Variants in HS6ST2 observed in about 807,000 individuals in gnomAD.
HS6ST2 encodes the protein heparan sulfate 6-O-sulfotransferase 2, also known as heparan-sulfate 6-O-sulfotransferase 2.
Under a neutral mutation model 33.0 loss-of-function variants are expected in HS6ST2, and 17 were observed. The observed-to-expected ratio is 0.52, with a 90% confidence interval of 0.35 to 0.77. The LOEUF is 0.77. Ranked by LOEUF, HS6ST2 falls within the 30% of genes least tolerant of loss-of-function variation. The probability of loss-of-function intolerance (pLI) is 0.01; values close to 1 mark genes in which losing one functional copy is unlikely to be tolerated. For synonymous variants in HS6ST2, 248 were observed against 237.1 expected (o/e 1.05, Z -0.42); for missense variants, 519 against 551.7 (o/e 0.94, Z 0.59).
chrX:132,849,742 C>T (rs1028423191), intron 2 of HS6ST2, among the ~76,000 whole-genome samples: 1 of 111,905 alleles, frequency 8.9e-6, no homozygotes, highest in Admixed American at 9.5e-5. Flanking sequence ...ATCAAATGAC[C>T]TTTGTACACA....
At chrX:132,728,363 A>T (rs2064417632) in intron 2 of HS6ST2, among the ~76,000 whole-genome samples, 1 of 112,240 alleles carries the variant, frequency 8.9e-6, no homozygotes, top group Non-Finnish European at 1.9e-5. Context: ...GATTGACCCT[A>T]ACGGTGGGCT....
chrX:132,684,252 C>T (rs1475870110), intron 3 of HS6ST2, among the ~76,000 whole-genome samples: 2 of 102,188 alleles, frequency 2.0e-5, no homozygotes, highest in African/African-American at 7.1e-5. Context: ...TACACACACA[C>T]ATATATATGT....
chrX:132,702,489 T>G (rs1459565728), intron 3 of HS6ST2, among the ~76,000 whole-genome samples: 4 of 112,012 alleles, frequency 3.6e-5, no homozygotes, highest in Non-Finnish European at 7.5e-5. Flanking sequence ...CTACATTAGT[T>G]TACTCTTCAG....
At chrX:132,923,062 CAAA>C (rs34136355) in intron 2 of HS6ST2, among the ~76,000 whole-genome samples, 3 of 47,611 alleles carry the variant, frequency 6.3e-5, no homozygotes, top group African/African-American at 8.2e-5. Flanking sequence ...GACTCTGTCT[CAAA>C]AAAAAAAAAA....
chrX:132,864,433 G>C (rs1236493227), intron 2 of HS6ST2, among the ~76,000 whole-genome samples: 1 of 107,523 alleles, frequency 9.3e-6, no homozygotes, highest in African/African-American at 3.4e-5. Flanking sequence ...TGAAAACACA[G>C]CATGAGAACT....
chrX:132,701,930 A>T (rs2064146838), intron 3 of HS6ST2, among the ~76,000 whole-genome samples: 1 of 112,468 alleles, frequency 8.9e-6, no homozygotes, highest in Admixed American at 9.4e-5. Context: ...AGATATTCAC[A>T]TTTAAGAAAC....
At chrX:132,640,611 T>A (rs2063595660) in intron 4 of HS6ST2, among the ~76,000 whole-genome samples, 1 of 111,556 alleles carries the variant, frequency 9.0e-6, no homozygotes, top group South Asian at 3.8e-4. Context: ...ATCAGCAACA[T>A]GTGACTACTG....
intron 2 of HS6ST2, among the ~76,000 whole-genome samples, chrX:132,885,399 T>C (rs1372477994): frequency 9.0e-6 from 1 of 111,162 alleles, no homozygotes; most frequent in East Asian, 2.8e-4. Context: ...GTAAATTATA[T>C]CTCAATAAAA....
At chrX:132,918,469 AT>A (rs2066617569) in intron 2 of HS6ST2, among the ~76,000 whole-genome samples, 1 of 112,197 alleles carries the variant, frequency 8.9e-6, no homozygotes, top group Non-Finnish European at 1.9e-5. Flanking sequence ...ACAGCTATAG[AT>A]GGACAAAAAG....
rs190960276 is a variant in HS6ST2, at chrX:132,760,909, T to G, written c.948-52415A>C. On this transcript the variant is annotated intron_variant, in intron 2 of 4. Transcript: ENST00000370833. ...AAAAACAAAAACATATGTAAGCAAC[T>G]GAAATAAGGCTCAATAAAACCTTGA... 4.5e-5 allele frequency among the ~76,000 whole-genome samples: 5 copies of G among 111,463 alleles called. No homozygotes were observed. The East Asian group carries it at 1.4e-3, about 32-fold the overall frequency.
chrX:132,877,236 T>A (rs1433162937), intron 2 of HS6ST2, among the ~76,000 whole-genome samples: 1 of 112,077 alleles, frequency 8.9e-6, no homozygotes, highest in Non-Finnish European at 1.9e-5. Context: ...CCACATATGT[T>A]ATTCTACTTA....
chrX:132,647,679 G>A (rs911402199), intron 4 of HS6ST2, among the ~76,000 whole-genome samples: 3 of 112,335 alleles, frequency 2.7e-5, no homozygotes, highest in Non-Finnish European at 5.6e-5. Context: ...GGTAGGAAAT[G>A]AATGAAGCCA....
At chrX:132,819,144 A>G (rs1040789846) in intron 2 of HS6ST2, among the ~76,000 whole-genome samples, 21 of 110,867 alleles carry the variant, frequency 1.9e-4, no homozygotes, top group African/African-American at 6.6e-4. Context: ...CCAACGCGCA[A>G]TGGGTGGATT....
intron 3 of HS6ST2, among the ~76,000 whole-genome samples, chrX:132,689,146 G>C (rs141441860): frequency 0.024 from 2,670 of 111,644 alleles, 65 homozygotes; most frequent in African/African-American, 0.083. Flanking sequence ...TGCACAGATC[G>C]AGAGAGAAGG....
chrX:132,843,958 A>G (rs929538239), intron 2 of HS6ST2, among the ~76,000 whole-genome samples: 1 of 112,162 alleles, frequency 8.9e-6, no homozygotes, highest in Non-Finnish European at 1.9e-5. Context: ...GAACAAACAA[A>G]TAAAATGAAG....
At chrX:132,775,591 T>C (rs890785705) in intron 2 of HS6ST2, among the ~76,000 whole-genome samples, 2 of 111,779 alleles carry the variant, frequency 1.8e-5, no homozygotes, top group African/African-American at 6.5e-5. Context: ...TCTGCTTCTT[T>C]CCTATATAAA....
chrX:132,823,157 T>C (rs1020764127), intron 2 of HS6ST2, among the ~76,000 whole-genome samples: 5 of 112,555 alleles, frequency 4.4e-5, no homozygotes, highest in African/African-American at 1.3e-4. Context: ...GAGGAAGATA[T>C]GGAATGGCTT....
intron 2 of HS6ST2, among the ~76,000 whole-genome samples, chrX:132,934,238 G>A (rs2066802737): frequency 9.0e-6 from 1 of 111,377 alleles, no homozygotes; most frequent in Admixed American, 9.5e-5. Context: ...GAAATGTGTT[G>A]GAGCAAGGCT....
At chrX:132,848,121 G>GT (rs1291592057) in intron 2 of HS6ST2, among the ~76,000 whole-genome samples, 72 of 111,438 alleles carry the variant, frequency 6.5e-4, no homozygotes, top group Admixed American at 1.9e-4. Flanking sequence ...CCAGTGCTGT[G>GT]TTTTTTTTCT....
Sources: allele counts gnomAD v4.1 joint callset (sites outside exome capture counted in the v4.1 genomes callset), GRCh38; gene constraint gnomAD v4.1.1; transcripts MANE v1.5; gene names NCBI Gene and HGNC (gene_info 2026-07-23, HGNC 2026-07-21).